The following PHACTR1 variants were observed in gnomAD, a reference collection of about 807,000 sequenced individuals.
The protein encoded by PHACTR1 is phosphatase and actin regulator 1, also known as RPEL repeat containing 1.
A neutral mutation model predicts 69.2 loss-of-function variants in PHACTR1; 16 were observed. That is an observed-to-expected ratio of 0.23 (90% CI 0.16 to 0.35). PHACTR1 has a LOEUF of 0.35. Ranked by LOEUF, PHACTR1 falls within the 10% of genes least tolerant of loss-of-function variation. PHACTR1 has a pLI of 1.00. For synonymous variants in PHACTR1, 312 were observed against 284.5 expected (o/e 1.10, Z -0.97); for missense variants, 510 against 734.7 (o/e 0.69, Z 3.54).
intron 4 of PHACTR1, among the ~76,000 whole-genome samples, chr6:12,985,897 A>G (rs777665137): frequency 1.3e-5 from 2 of 151,042 alleles, no homozygotes; most frequent in East Asian, 1.9e-4. Context: ...GTGCAATGGC[A>G]CTATCTCAGC....
chr6:12,961,334 C>T (rs1380122347), intron 4 of PHACTR1, among the ~76,000 whole-genome samples: 1 of 152,178 alleles, frequency 6.6e-6, no homozygotes, highest in Non-Finnish European at 1.5e-5. Context: ...TGGGTATATT[C>T]TAATGCTAGG....
chr6:12,748,555 A>C (rs565112535), intron 3 of PHACTR1, among the ~76,000 whole-genome samples: 5 of 152,338 alleles, frequency 3.3e-5, no homozygotes, highest in African/African-American at 1.2e-4. Context: ...GTTCAGCAGG[A>C]GCATCAAACC....
At chr6:13,056,859 T>C (rs1195511331) in intron 5 of PHACTR1, among the ~76,000 whole-genome samples, 2 of 152,176 alleles carry the variant, frequency 1.3e-5, no homozygotes, top group African/African-American at 4.8e-5. Flanking sequence ...AGGAACCTAA[T>C]GATTAGATAA....
At chr6:12,764,815 T>C (rs1236668390) in intron 4 of PHACTR1, among the ~76,000 whole-genome samples, 1 of 152,032 alleles carries the variant, frequency 6.6e-6, no homozygotes, top group Non-Finnish European at 1.5e-5. Flanking sequence ...AGAAAATGTC[T>C]AGAGGTCATG....
At chr6:12,858,254 T>A (rs1780600011) in intron 4 of PHACTR1, among the ~76,000 whole-genome samples, 2 of 152,216 alleles carry the variant, frequency 1.3e-5, no homozygotes, top group Non-Finnish European at 2.9e-5. Context: ...AGAAATTCTT[T>A]CTGGTCAGGG....
chr6:13,043,381 A>G (rs1240363339), intron 4 of PHACTR1, among the ~76,000 whole-genome samples: 1 of 151,994 alleles, frequency 6.6e-6, no homozygotes, highest in Admixed American at 6.5e-5. Flanking sequence ...GAACGGAGAT[A>G]GAGCCACTGA....
Position 12,916,604 on chromosome 6 carries a change from G to T in PHACTR1, c.251-136761G>T, listed in dbSNP as rs190440501. On this transcript the variant is annotated intron_variant, in intron 4 of 14. Transcript: ENST00000332995. ...AGTACAGAGTAGGCATTCTGTATAT[G>T]TCTGTTGAATGATGAATGGATGAAT... Among the ~76,000 whole-genome samples, 185 of 147,448 alleles carry T rather than the reference G, an allele frequency of 1.3e-3. 1 individual carries two copies. The highest frequency in any genetic ancestry group is 1.9e-3 in the Non-Finnish European group (126 of 67,500).
At chr6:12,909,399 A>G (rs1463185792) in intron 4 of PHACTR1, among the ~76,000 whole-genome samples, 1 of 152,260 alleles carries the variant, frequency 6.6e-6, no homozygotes, top group East Asian at 1.9e-4. Flanking sequence ...TTGTCATAAC[A>G]GCTATGGCTT....
At chr6:12,940,548 C>G (rs780584616) in intron 4 of PHACTR1, among the ~76,000 whole-genome samples, 1 of 152,130 alleles carries the variant, frequency 6.6e-6, no homozygotes, top group Admixed American at 6.5e-5. Context: ...GATGAAAAGC[C>G]TTGACTTTAA....
chr6:12,846,261 A>T (rs899167606), intron 4 of PHACTR1, among the ~76,000 whole-genome samples: 1 of 152,220 alleles, frequency 6.6e-6, no homozygotes, highest in African/African-American at 2.4e-5. Context: ...CAATGAATGG[A>T]TTGATAAATG....
intron 5 of PHACTR1, among the ~76,000 whole-genome samples, chr6:13,115,987 C>T (rs1817760850): frequency 6.6e-6 from 1 of 152,164 alleles, no homozygotes; most frequent in Non-Finnish European, 1.5e-5. Flanking sequence ...CAGGGATCTG[C>T]CATGTATGTG....
At chr6:12,773,142 G>T (rs1207195269) in intron 4 of PHACTR1, among the ~76,000 whole-genome samples, 1 of 152,174 alleles carries the variant, frequency 6.6e-6, no homozygotes. Context: ...AGTCATTGGT[G>T]TTCAATGATT....
intron 4 of PHACTR1, among the ~76,000 whole-genome samples, chr6:12,931,670 T>C (rs1788889856): frequency 6.6e-6 from 1 of 151,930 alleles, no homozygotes; most frequent in Admixed American, 6.6e-5. Context: ...ACAGCGGTGA[T>C]AGTCACAAAG....
At chr6:12,913,690 G>T (rs1250851904) in intron 4 of PHACTR1, among the ~76,000 whole-genome samples, 2 of 152,126 alleles carry the variant, frequency 1.3e-5, no homozygotes, top group African/African-American at 4.8e-5. Context: ...ATCCTGAGAG[G>T]TCTGATGATT....
At chr6:12,958,383 C>A (rs903961080) in intron 4 of PHACTR1, among the ~76,000 whole-genome samples, 3 of 152,098 alleles carry the variant, frequency 2.0e-5, no homozygotes, top group Non-Finnish European at 4.4e-5. Flanking sequence ...CTTAAAGAGA[C>A]AGGAAAGGAA....
chr6:13,078,496 A>T (rs1810886828), intron 5 of PHACTR1, among the ~76,000 whole-genome samples: 1 of 152,214 alleles, frequency 6.6e-6, no homozygotes, highest in Non-Finnish European at 1.5e-5. Context: ...GGAGGAATGT[A>T]GTTCTAACCA....
chr6:12,919,332 G>T (rs556828493), intron 4 of PHACTR1, among the ~76,000 whole-genome samples: 7 of 152,032 alleles, frequency 4.6e-5, no homozygotes, highest in Admixed American at 3.3e-4. Context: ...TAGTAGAGAC[G>T]GGGTTTCACC....
At chr6:12,985,233 C>A (rs1795997861) in intron 4 of PHACTR1, among the ~76,000 whole-genome samples, 1 of 151,176 alleles carries the variant, frequency 6.6e-6, no homozygotes, top group Non-Finnish European at 1.5e-5. Flanking sequence ...TCTCAATAAT[C>A]CAAATTTTCT....
intron 5 of PHACTR1, among the ~76,000 whole-genome samples, chr6:13,074,348 G>C (rs1810062180): frequency 6.6e-6 from 1 of 152,154 alleles, no homozygotes; most frequent in Non-Finnish European, 1.5e-5. Context: ...GCAAAGATAA[G>C]AAATCGATAA....
Sources: allele counts gnomAD v4.1 joint callset (sites outside exome capture counted in the v4.1 genomes callset), GRCh38; gene constraint gnomAD v4.1.1; transcripts MANE v1.5; gene names NCBI Gene and HGNC (gene_info 2026-07-23, HGNC 2026-07-21).